MAPRE2: variants seen among roughly 807,000 people sequenced by gnomAD.
The protein encoded by MAPRE2 is microtubule-associated protein RP/EB family member 2.
A neutral mutation model predicts 43.2 loss-of-function variants in MAPRE2; 13 were observed. That is an observed-to-expected ratio of 0.30 (90% CI 0.20 to 0.48). The LOEUF is 0.48. Ranked by LOEUF, MAPRE2 falls within the 20% of genes least tolerant of loss-of-function variation. MAPRE2 has a pLI of 0.99. For synonymous variants in MAPRE2, 135 were observed against 148.8 expected, an observed-to-expected ratio of 0.91 and a Z score of 0.68; for missense variants, 161 against 400.2, an observed-to-expected ratio of 0.40 and a Z score of 5.10.
At chr18:35,118,613 C>T (rs1018965242) in intron 4 of MAPRE2, among the ~76,000 whole-genome samples, 3 of 152,212 alleles carry the variant, frequency 2.0e-5, no homozygotes, top group Non-Finnish European at 4.4e-5. Flanking sequence ...CTTTCTGCAG[C>T]TCCCCTCAGC....
chr18:34,984,984 A>G (rs2097018586), intron 1 of MAPRE2, among the ~76,000 whole-genome samples: 1 of 39,510 alleles, frequency 2.5e-5, no homozygotes, highest in African/African-American at 8.2e-5. Flanking sequence ...TATAAAATAT[A>G]TTATATATAA....
chr18:35,032,281 C>G (rs2097048197), intron 2 of MAPRE2, among the ~76,000 whole-genome samples: 1 of 152,144 alleles, frequency 6.6e-6, no homozygotes, highest in South Asian at 2.1e-4. Context: ...GGTGATGTGA[C>G]AGCTGTGAAT....
chr18:35,021,823 A>C (rs1203960348), intron 2 of MAPRE2, among the ~76,000 whole-genome samples: 2 of 152,158 alleles, frequency 1.3e-5, no homozygotes, highest in African/African-American at 4.8e-5. Flanking sequence ...CAAAGAAATA[A>C]AGGCATAAAG....
At chr18:35,056,797 TAACAA>T (rs1030878877) in intron 1 of MAPRE2, among the ~76,000 whole-genome samples, 6 of 152,354 alleles carry the variant, frequency 3.9e-5, no homozygotes, top group African/African-American at 1.4e-4. Context: ...ATCCCAAGTT[TAACAA>T]AACATTCTCA....
intron 2 of MAPRE2, among the ~76,000 whole-genome samples, chr18:35,080,395 T>C (rs1406765127): frequency 6.6e-6 from 1 of 152,216 alleles, no homozygotes; most frequent in Admixed American, 6.5e-5. Context: ...GACAGGTCTA[T>C]TCAGAGAGAG....
At position 35,126,997 on chromosome 18, in the gene MAPRE2, A is replaced by G; in HGVS notation, c.660A>G (p.Arg220=). The change falls in exon 5 of 7, where the codon CGA becomes CGG. Residue 220 remains arginine (R), a synonymous_variant. Coordinates refer to ENST00000300249, the MANE Select transcript of MAPRE2 (RefSeq NM_014268.4). ...CTAAACCAGGATCCACACCTTCTCG[A>G]CCCTCATCAGCCAAAAGGGCTTCTT... The part of the protein sequence containing the change: ...PAAKPGSTPS[R]PSSAKRASSS... 1 of 1,614,152 alleles carries G rather than the reference A, an allele frequency of 6.2e-7. No individual in the cohort carries two copies. Among genetic ancestry groups the G allele is most frequent in the Non-Finnish European group, 8.5e-7 (1 of 1,180,022 alleles).
chr18:35,044,311 A>G (rs564498589), intron 1 of MAPRE2, among the ~76,000 whole-genome samples: 14 of 152,210 alleles, frequency 9.2e-5, no homozygotes, highest in Admixed American at 2.6e-4. Flanking sequence ...GCTCACTGCA[A>G]CCTCCGCCTC....
At chr18:35,015,548 T>A (rs895762286) in intron 2 of MAPRE2, among the ~76,000 whole-genome samples, 1 of 152,040 alleles carries the variant, frequency 6.6e-6, no homozygotes, top group African/African-American at 2.4e-5. Context: ...AAATTTGTTA[T>A]CTACCCTAAC....
intron 2 of MAPRE2, among the ~76,000 whole-genome samples, chr18:35,011,970 A>C (rs749755807): frequency 3.3e-5 from 5 of 152,114 alleles, no homozygotes; most frequent in Non-Finnish European, 7.4e-5. Context: ...CTAGAGGAGA[A>C]CACATTGATC....
rs1568961542 is a variant in MAPRE2 at position 34,985,311 on chromosome 18, T to TAA, written c.-70+8232_-70+8233insAA. Among the ~76,000 whole-genome samples the TAA allele has an allele frequency of 8.3e-4, 33 of 39,522 alleles. 1 individual carries two copies. Among genetic ancestry groups the TAA allele is most frequent in the African/African-American group, 3.0e-3 (26 of 8,618 alleles). The allele number at this position is 39,522 out of a possible 152,430, so 25.9% of individuals were successfully genotyped here. On this transcript the variant is annotated intron_variant, in intron 1 of 7. Coordinates refer to the MAPRE2 transcript ENST00000413393. ...TATATTATATTATATATTGTATATA[T>TAA]TATATTATATATATAATATAATATA...
chr18:34,993,362 C>T (rs2097024781), intron 1 of MAPRE2, among the ~76,000 whole-genome samples: 1 of 151,102 alleles, frequency 6.6e-6, no homozygotes, highest in Non-Finnish European at 1.5e-5. Flanking sequence ...CTCTGCCTTC[C>T]AAAGTGTTGG....
At chr18:35,022,143 T>C (rs1289473531) in intron 2 of MAPRE2, among the ~76,000 whole-genome samples, 1 of 152,170 alleles carries the variant, frequency 6.6e-6, no homozygotes, top group Non-Finnish European at 1.5e-5. Flanking sequence ...ACTTTACGTC[T>C]CTGTATCTCT....
At chr18:34,998,818 G>A (rs1254486958) in intron 1 of MAPRE2, among the ~76,000 whole-genome samples, 2 of 122,996 alleles carry the variant, frequency 1.6e-5, no homozygotes, top group African/African-American at 3.3e-5. Flanking sequence ...GTCTCACTCC[G>A]GACTTGGCCA....
intron 2 of MAPRE2, among the ~76,000 whole-genome samples, chr18:35,090,952 C>A (rs192741664): frequency 6.6e-6 from 1 of 152,022 alleles, no homozygotes; most frequent in East Asian, 1.9e-4. Flanking sequence ...GGAAGCAATC[C>A]CACTTATAAT....
chr18:35,091,771 A>G (rs912788838), intron 2 of MAPRE2, among the ~76,000 whole-genome samples: 28 of 152,328 alleles, frequency 1.8e-4, no homozygotes, highest in Non-Finnish European at 1.3e-4. Flanking sequence ...GCCTGACTTC[A>G]AAATACACTA....
At chr18:35,101,797 A>G (rs1908693848) in intron 3 of MAPRE2, 149 bp from the exon 4 acceptor site, 1 of 606,220 alleles carries the variant, frequency 1.6e-6, no homozygotes, top group Non-Finnish European at 2.9e-6. Flanking sequence ...GTTGATGGAC[A>G]CTTAGGTTGC....
In MAPRE2 at chr18:35,095,392, A is replaced by ACG. The variant is rs1555917936; in HGVS notation, c.251-2053_251-2052insGC. On this transcript the variant is annotated intron_variant, in intron 2 of 6. Transcript: ENST00000300249. ...CACACACACACACACACACACACAC[A>ACG]CACACACACGCACACACACACTCCT... 2.8e-3 allele frequency among the ~76,000 whole-genome samples: 412 copies of ACG among 149,646 alleles called. 1 individual carries two copies. The highest frequency in any genetic ancestry group is 1.0e-2 in the African/African-American group (397 of 39,794).
intron 1 of MAPRE2, among the ~76,000 whole-genome samples, chr18:34,991,227 T>C (rs1279927504): frequency 1.3e-5 from 2 of 152,142 alleles, no homozygotes; most frequent in Non-Finnish European, 2.9e-5. Context: ...TTCCCTTTTG[T>C]AGTCCCCAGT....
chr18:35,110,439 G>T (rs1288452919), intron 4 of MAPRE2, among the ~76,000 whole-genome samples: 3 of 152,018 alleles, frequency 2.0e-5, no homozygotes, highest in Non-Finnish European at 2.9e-5. Context: ...AACTTATGTG[G>T]TTCACATATT....
Sources: allele counts gnomAD v4.1 joint callset (sites outside exome capture counted in the v4.1 genomes callset), GRCh38; gene constraint gnomAD v4.1.1; transcripts MANE v1.5; gene names NCBI Gene and HGNC (gene_info 2026-07-23, HGNC 2026-07-21).